RPL8: variants seen among roughly 807,000 people sequenced by gnomAD.
The protein encoded by RPL8 is large ribosomal subunit protein uL2.
For synonymous variants in RPL8, 182 were observed against 143.2 expected (o/e 1.27, Z -1.94); for missense variants, 248 against 365.9 (o/e 0.68, Z 2.63).
intron 3 of RPL8, chr8:144,791,045 G>A (rs1012872963): frequency 1.9e-5 from 11 of 570,394 alleles, no homozygotes; most frequent in South Asian, 2.0e-5. Flanking sequence ...AGACCCTGGT[G>A]ACTTCGTCCC....
intron 4 of RPL8, 96 bp downstream of exon 4, chr8:144,790,259 C>T (rs1826453758): frequency 9.7e-6 from 10 of 1,033,326 alleles, no homozygotes; most frequent in South Asian, 8.4e-5. Context: ...ACCGTAGATC[C>T]CCCTCCTGCA....
rs1826548002 is a variant in RPL8 at position 144,792,020 on chromosome 8, C to A, written c.110G>T (p.Arg37Leu). The A allele has an allele frequency of 3.1e-6, 5 of 1,608,898 alleles. No individual in the cohort carries two copies. Among genetic ancestry groups the A allele is most frequent in the Admixed American group, 1.7e-5 (1 of 59,346 alleles). The change falls in exon 1 of 5, where the codon CGG becomes CTG. Residue 37 changes from arginine (R) to leucine (L), a missense_variant. By Grantham distance (102) the Arg-to-Leu change is moderately radical. Transcript: ENST00000528957. ...GACGATGCCCTTGATGTAGCCGTGCCGCTCAGCGAAATCCACGGCGCGCAG... is the reference window on the plus strand; with the variant it reads ...GACGATGCCCTTGATGTAGCCGTGCAGCTCAGCGAAATCCACGGCGCGCAG... ...ARLRAVDFAERHGYIKGIVKD... is the reference protein window; with the variant it reads ...ARLRAVDFAELHGYIKGIVKD...
intron 3 of RPL8, 143 bp downstream of exon 3, chr8:144,791,134 G>A (rs1386238949): frequency 2.1e-5 from 15 of 725,106 alleles, no homozygotes; most frequent in East Asian, 8.0e-5. Flanking sequence ...GAGACTACAG[G>A]ATGAGCTCAA....
At chr8:144,791,629 C>G in intron 2 of RPL8, 134 bp from the exon 3 acceptor site, 1 of 1,476,924 alleles carries the variant, frequency 6.8e-7, no homozygotes, top group South Asian at 1.3e-5. Flanking sequence ...CGGCACCCAC[C>G]GGTGGCCACT....
Position 144,791,899 on chromosome 8 carries a change from G to A in RPL8, c.154C>T (p.Pro52Ser). The A allele has an allele frequency of 6.2e-7, 1 of 1,613,214 alleles. No homozygotes were observed. Among genetic ancestry groups the A allele is most frequent in the Non-Finnish European group, 8.5e-7 (1 of 1,179,912 alleles). The change falls in exon 2 of 5, where the codon CCG (proline) becomes TCG (serine). Residue 52 changes from proline to serine, a missense_variant. Coordinates refer to ENST00000528957, the MANE Select transcript of RPL8 (RefSeq NM_001317782.2). ...TTGGCGAGGGGCGCGCCGCGGCCCG[G>A]GTCGTGGATGATGTCCTGTGGGCAG... is the stretch of plus-strand genomic sequence containing the variant. The part of the protein sequence containing the change: ...KGIVKDIIHD[P>S]GRGAPLAKVV...
intron 3 of RPL8, 151 bp downstream of exon 3, chr8:144,791,126 G>T: frequency 1.5e-6 from 1 of 689,054 alleles, no homozygotes; most frequent in Non-Finnish European, 2.5e-6. Flanking sequence ...TGACAACTGA[G>T]ACTACAGGAT....
intron 3 of RPL8, 27 bp from the exon 4 acceptor site, chr8:144,790,497 A>AC (rs969497113): frequency 1.9e-6 from 3 of 1,578,270 alleles, no homozygotes; most frequent in Non-Finnish European, 1.7e-6. Flanking sequence ...ACCTCAGGGA[A>AC]CCCCCAGTCG....
At chr8:144,790,149 T>C (rs942303747) in intron 4 of RPL8, among the ~76,000 whole-genome samples, 187 bp from the exon 5 acceptor site, 7 of 152,114 alleles carry the variant, frequency 4.6e-5, no homozygotes, top group South Asian at 2.1e-4. Flanking sequence ...CTCCGTTTCT[T>C]GCGGAGAAAC....
chr8:144,791,858 A>C lies in RPL8; in HGVS notation c.195T>G (p.Asp65Glu), dbSNP rs777593777. 1 of 1,613,758 alleles carries C rather than the reference A, an allele frequency of 6.2e-7. No individual in the cohort carries two copies. Residue 65 changes from aspartate (D) to glutamate (E), a missense_variant, in exon 2 of 5, where the codon GAT (aspartate) becomes GAG (glutamate). Asp to Glu is a conservative substitution (Grantham distance 45). Coordinates refer to ENST00000528957, the MANE Select transcript of RPL8 (RefSeq NM_001317782.2). ...CCGTCCGCTTCTTAAACCGATACGG[A>C]TCCCGGAAGACCACCTTGGCGAGGG... ...GAPLAKVVFR[D>E]PYRFKKRTEL...
chr8:144,790,093 G>T, intron 4 of RPL8, 131 bp from the exon 5 acceptor site: 1 of 1,160,030 alleles, frequency 8.6e-7, no homozygotes, highest in Non-Finnish European at 1.2e-6. Context: ...GACAACCCCA[G>T]TCAGGCTGAC....
Position 144,789,804 on chromosome 8 carries a change from C to T in RPL8, c.774G>A (p.Ter258=), listed in dbSNP as rs1826428557. Reference sequence around the variant, plus strand: ...ACAAACTTTATTGAGGCCCTCAGCACTAGTTCTCTTTCTCCTGCACAGTCT... The same window carrying T: ...ACAAACTTTATTGAGGCCCTCAGCATTAGTTCTCTTTCTCCTGCACAGTCT... The part of the protein sequence containing the change: ...GTKTVQEKEN[*] Residue 258 remains the stop codon, a stop_retained_variant, in exon 5 of 5, where the codon TAG becomes TAA. Coordinates refer to ENST00000528957, the MANE Select transcript of RPL8 (RefSeq NM_001317782.2). The T allele has an allele frequency of 6.2e-7, 1 of 1,613,342 alleles. No individual in the cohort carries two copies. The highest frequency in any genetic ancestry group is 8.5e-7 in the Non-Finnish European group (1 of 1,179,858).
At chr8:144,791,586 C>A (rs1339111052) in intron 2 of RPL8, 91 bp from the exon 3 acceptor site, 2 of 1,489,850 alleles carry the variant, frequency 1.3e-6, no homozygotes, top group African/African-American at 2.8e-5. Flanking sequence ...GCGAGCACAG[C>A]ATTCAACATC....
chr8:144,792,212 G>A lies in RPL8; in HGVS notation c.-83C>T. 7.2e-7 allele frequency: 1 copy of A among 1,390,298 alleles called. No homozygotes were observed. Among genetic ancestry groups the A allele is most frequent in the Non-Finnish European group, 9.3e-7 (1 of 1,078,922 alleles). 86.1% of individuals were successfully genotyped at this position (1,390,298 alleles called of 1,614,324 possible). On this transcript the variant is annotated 5_prime_UTR_variant, in exon 1 of 5. Coordinates refer to ENST00000528957, the MANE Select transcript of RPL8 (RefSeq NM_001317782.2). ...CGCCAGCCCGGCTTTCCGGGACCCC[G>A]CCCCCGAGGCCGCCGCGCCCACCAC...
chr8:144,792,335 C>A lies in RPL8; in HGVS notation c.-206G>T. On this transcript the variant is annotated 5_prime_UTR_variant, in exon 1 of 5. Transcript: ENST00000528957. ...CGGAAGAGGATGGCGGCGGATACTG[C>A]CCATGCCGCAAGGCCGCAAGGATGA... 1.3e-6 allele frequency: 1 copy of A among 791,700 alleles called. No individual in the cohort carries two copies. Among genetic ancestry groups the A allele is most frequent in the Non-Finnish European group, 1.8e-6 (1 of 566,334 alleles). The allele number at this position is 791,700 out of a possible 1,614,324, so 49.0% of individuals were successfully genotyped here.
chr8:144,791,859 T>C lies in RPL8; in HGVS notation c.194A>G (p.Asp65Gly). 3 of 1,613,766 alleles carry C rather than the reference T, an allele frequency of 1.9e-6. No homozygotes were observed. The highest frequency in any genetic ancestry group is 2.5e-6 in the Non-Finnish European group (3 of 1,180,022). Residue 65 changes from aspartate to glycine, a missense_variant, in exon 2 of 5, where the codon GAT (aspartate) becomes GGT (glycine). Coordinates refer to ENST00000528957, the MANE Select transcript of RPL8 (RefSeq NM_001317782.2). ...CGTCCGCTTCTTAAACCGATACGGA[T>C]CCCGGAAGACCACCTTGGCGAGGGG... ...GAPLAKVVFR[D>G]PYRFKKRTEL...
At chr8:144,791,702 G>C in intron 2 of RPL8, 71 bp downstream of exon 2, 1 of 1,603,598 alleles carries the variant, frequency 6.2e-7, no homozygotes, top group Non-Finnish European at 8.5e-7. Context: ...TATCGGCTTA[G>C]GACGTTAACT....
intron 4 of RPL8, 145 bp downstream of exon 4, chr8:144,790,210 C>CA: frequency 2.6e-6 from 2 of 765,548 alleles, no homozygotes; most frequent in Non-Finnish European, 4.3e-6. Flanking sequence ...GCAGGATCAA[C>CA]AGTCCCGTGA....
Position 144,790,551 on chromosome 8 carries a change from T to A in RPL8, c.500-81A>T, listed in dbSNP as rs530224137. 4.7e-6 allele frequency: 5 copies of A among 1,061,484 alleles called. No homozygotes were observed. The African/African-American group carries it at 6.2e-5, about 13-fold the overall frequency. 65.8% of individuals were successfully genotyped at this position (1,061,484 alleles called of 1,614,324 possible). ...CCCCTCAATCTCCTGTCATGCACCT[T>A]CCCAATACTGCATCCAACTACCCAG... is the stretch of plus-strand genomic sequence containing the variant. On this transcript the variant is annotated intron_variant, in intron 3 of 4. Coordinates refer to ENST00000528957, the MANE Select transcript of RPL8 (RefSeq NM_001317782.2).
In RPL8 at chr8:144,790,388, G is replaced by T. The variant is rs1475211705; in HGVS notation, c.582C>A (p.Asn194Lys). Residue 194 changes from asparagine to lysine, a missense_variant, in exon 4 of 5, where the codon AAC (asparagine) becomes AAA (lysine). Coordinates refer to ENST00000528957, the MANE Select transcript of RPL8 (RefSeq NM_001317782.2). ...CCACACCCCGTACTCGTGGCCAGCA[G>T]TTCCTCTTTGCCTTATATTTGTGGT... ...RAYHKYKAKR[N>K]CWPRVRGVAM... is the part of the protein sequence containing the mutation. 1.2e-6 allele frequency: 2 copies of T among 1,614,162 alleles called. No individual in the cohort carries two copies. The highest frequency in any genetic ancestry group is 3.3e-5 in the Admixed American group (2 of 60,020).
Sources: gnomAD v4.1 joint callset for allele counts (sites outside exome capture counted in the v4.1 genomes callset) on GRCh38, gnomAD v4.1.1 for gene constraint, MANE v1.5 for transcripts, NCBI Gene and HGNC (gene_info 2026-07-23, HGNC 2026-07-21) for gene names.